Variants in ZCCHC7 observed in about 807,000 individuals in gnomAD.
ZCCHC7 encodes the protein zinc finger CCHC-type containing 7, also known as zinc finger CCHC domain-containing protein 7.
ZCCHC7 carries 35 observed loss-of-function variants against 52.0 expected under a neutral mutation model. That is an observed-to-expected ratio of 0.67 (90% CI 0.51 to 0.89). ZCCHC7 has a LOEUF of 0.89. Among genes scored for constraint, ZCCHC7 ranks in the 40% least tolerant of loss-of-function variants. ZCCHC7 has a pLI of 0.00. For missense variants in ZCCHC7, 574 were observed against 649.1 expected, an observed-to-expected ratio of 0.88 and a Z score of 1.26; for synonymous variants, 217 against 221.5, an observed-to-expected ratio of 0.98 and a Z score of 0.18.
intron 2 of ZCCHC7, among the ~76,000 whole-genome samples, chr9:37,285,927 G>A (rs1828186994): frequency 6.6e-6 from 1 of 152,176 alleles, no homozygotes; most frequent in Non-Finnish European, 1.5e-5. Context: ...AGAAACTTGG[G>A]GCATTATTTT....
intron 5 of ZCCHC7, chr9:37,327,279 T>A (rs999585623): frequency 6.6e-6 from 1 of 152,178 alleles, no homozygotes; most frequent in Non-Finnish European, 1.5e-5. Context: ...GTCGTTTTTG[T>A]TCTTGTTGTT....
chr9:37,260,090 G>A (rs947480967), intron 2 of ZCCHC7, among the ~76,000 whole-genome samples: 2 of 152,186 alleles, frequency 1.3e-5, no homozygotes, highest in Non-Finnish European at 2.9e-5. Context: ...TGGATACTTT[G>A]CAATAATATG....
intron 5 of ZCCHC7, among the ~76,000 whole-genome samples, chr9:37,321,224 G>C (rs967118854): frequency 6.6e-6 from 1 of 151,778 alleles, no homozygotes; most frequent in Non-Finnish European, 1.5e-5. Context: ...TCCTGACCTC[G>C]TGATCCACCC....
chr9:37,327,185 C>T (rs748591108), intron 5 of ZCCHC7: 3 of 151,958 alleles, frequency 2.0e-5, no homozygotes, highest in African/African-American at 4.8e-5. Flanking sequence ...ACAAGATTAT[C>T]GACGTTTTGG....
intron 6 of ZCCHC7, among the ~76,000 whole-genome samples, chr9:37,341,601 A>G (rs1820641982): frequency 6.6e-6 from 1 of 151,968 alleles, no homozygotes; most frequent in African/African-American, 2.4e-5. Context: ...TGCCATGTTG[A>G]GTTTTGTTTG....
intron 6 of ZCCHC7, among the ~76,000 whole-genome samples, chr9:37,344,581 C>T (rs1820845172): frequency 6.6e-6 from 1 of 152,210 alleles, no homozygotes. Context: ...GTTTCCCAGA[C>T]ATCACATACA....
At chr9:37,324,166 A>G (rs1287767933) in intron 5 of ZCCHC7, among the ~76,000 whole-genome samples, 2 of 152,216 alleles carry the variant, frequency 1.3e-5, no homozygotes, top group Non-Finnish European at 2.9e-5. Context: ...TGAGGGGGCC[A>G]TCTCCTAACA....
chr9:37,327,668 T>G (rs1830303304), intron 5 of ZCCHC7, 131 bp from the exon 6 acceptor site: 1 of 885,496 alleles, frequency 1.1e-6, no homozygotes, highest in African/African-American at 1.7e-5. Flanking sequence ...GAAGCTGAAA[T>G]GCAGACCCTT....
At chr9:37,236,637 G>A (rs958567683) in intron 2 of ZCCHC7, among the ~76,000 whole-genome samples, 2 of 151,778 alleles carry the variant, frequency 1.3e-5, no homozygotes, top group Non-Finnish European at 2.9e-5. Flanking sequence ...CTCGTGATCC[G>A]CCCGTCTCAG....
chr9:37,131,993 T>C (rs558144299), intron 2 of ZCCHC7, among the ~76,000 whole-genome samples: 1 of 152,370 alleles, frequency 6.6e-6, no homozygotes, highest in South Asian at 2.1e-4. Flanking sequence ...GGTCTGAGCC[T>C]CTTTTCCTTT....
chr9:37,340,895 C>T (rs1820595179), intron 6 of ZCCHC7, among the ~76,000 whole-genome samples: 1 of 152,060 alleles, frequency 6.6e-6, no homozygotes, highest in South Asian at 2.1e-4. Context: ...ATGTCATTTA[C>T]TAATTAATTA....
At chr9:37,122,445 C>T (rs146196964) in intron 1 of ZCCHC7, among the ~76,000 whole-genome samples, 1 of 152,112 alleles carries the variant, frequency 6.6e-6, no homozygotes, top group African/African-American at 2.4e-5. Flanking sequence ...TTTTTGAGTA[C>T]CAACTTGGGA....
chr9:37,220,887 G>A (rs527652505), intron 2 of ZCCHC7, among the ~76,000 whole-genome samples: 6 of 152,280 alleles, frequency 3.9e-5, no homozygotes, highest in African/African-American at 1.2e-4. Flanking sequence ...AATTCTGGGG[G>A]CAATTTTGTG....
chr9:37,269,827 G>A (rs755513259), intron 2 of ZCCHC7, among the ~76,000 whole-genome samples: 5 of 152,040 alleles, frequency 3.3e-5, no homozygotes, highest in African/African-American at 7.2e-5. Flanking sequence ...TGTGCCCTGC[G>A]TATGCTAAGG....
At chr9:37,317,356 G>A (rs1829867651) in intron 5 of ZCCHC7, among the ~76,000 whole-genome samples, 2 of 152,228 alleles carry the variant, frequency 1.3e-5, no homozygotes, top group African/African-American at 4.8e-5. Context: ...ACAATGAACA[G>A]TGAAAGCAAG....
Position 37,357,341 on chromosome 9 carries a change from G to C in ZCCHC7, c.*73G>C, listed in dbSNP as rs972659805. ...TGTGTCTATAACCTTCTGGCACTGT[G>C]TTTATTATCTATGATTAAATAAAGT... On this transcript the variant is annotated 3_prime_UTR_variant, in exon 9 of 9. Transcript: ENST00000336755. The C allele has an allele frequency of 4.1e-5, 57 of 1,379,330 alleles. 1 individual carries two copies. In the African/African-American group the frequency reaches 6.8e-4, roughly 17 times the overall value. The allele number at this position is 1,379,330 out of a possible 1,614,324, so 85.4% of individuals were successfully genotyped here. A position where few individuals can be genotyped will look rare whatever the true frequency, so the allele number is the denominator to read the frequency against.
At chr9:37,153,463 AC>A (rs984989241) in intron 2 of ZCCHC7, among the ~76,000 whole-genome samples, 4 of 151,102 alleles carry the variant, frequency 2.6e-5, no homozygotes, top group Non-Finnish European at 5.9e-5. Flanking sequence ...GAGCCACCAC[AC>A]CCTGCCTGTT....
At chr9:37,285,045 TAAG>T (rs1462023067) in intron 2 of ZCCHC7, among the ~76,000 whole-genome samples, 4 of 152,162 alleles carry the variant, frequency 2.6e-5, no homozygotes, top group Non-Finnish European at 5.9e-5. Flanking sequence ...ATGGGTGGCT[TAAG>T]GAGATTGGAG....
intron 2 of ZCCHC7, among the ~76,000 whole-genome samples, chr9:37,255,494 G>A (rs570025671): frequency 1.3e-5 from 2 of 152,048 alleles, no homozygotes; most frequent in African/African-American, 2.4e-5. Flanking sequence ...TCAGAATGGC[G>A]TGCAGTTTAA....
Sources: gnomAD v4.1 joint callset for allele counts (sites outside exome capture counted in the v4.1 genomes callset) on GRCh38, gnomAD v4.1.1 for gene constraint, MANE v1.5 for transcripts, NCBI Gene and HGNC (gene_info 2026-07-23, HGNC 2026-07-21) for gene names.